The following ALG9 variants were observed in gnomAD, a reference collection of about 807,000 sequenced individuals.
ALG9 encodes alpha-1,2-mannosyltransferase ALG9.
ALG9 carries 55 observed loss-of-function variants against 81.8 expected under a neutral mutation model. That is an observed-to-expected ratio of 0.67 (90% CI 0.54 to 0.84). The LOEUF (loss-of-function observed/expected upper bound fraction) is 0.84, where lower values mean the gene tolerates loss of function less well. Ranked by LOEUF, ALG9 falls within the 40% of genes least tolerant of loss-of-function variation. The pLI, the probability that ALG9 is intolerant of heterozygous loss-of-function variation, is 0.00. For synonymous variants in ALG9, 278 were observed against 274.3 expected, an observed-to-expected ratio of 1.01 and a Z score of -0.13; for missense variants, 629 against 745.0, an observed-to-expected ratio of 0.84 and a Z score of 1.81.
intron 9 of ALG9, 57 bp from the exon 10 acceptor site, chr11:111,840,866 T>A: frequency 6.3e-7 from 1 of 1,598,996 alleles, no homozygotes; most frequent in Non-Finnish European, 8.6e-7. Flanking sequence ...ACAACATATT[T>A]AGTTTTAGTG....
At chr11:111,781,013 C>T (rs1375425085), downstream of ALG9, among the ~76,000 whole-genome samples, 11 of 152,206 alleles carry the variant, frequency 7.2e-5, no homozygotes, top group East Asian at 1.4e-3. Context: ...TCTAGAAAGC[C>T]TTCTTAGAAA....
chr11:111,819,952 A>G (rs12291258), intron 13 of ALG9, among the ~76,000 whole-genome samples: 1,827 of 152,346 alleles, frequency 0.012, 33 homozygotes, highest in African/African-American at 0.042. Flanking sequence ...GTTCAAAACT[A>G]TGACCAGCTT....
At chr11:111,866,792 A>G (rs1962628754) in intron 3 of ALG9, among the ~76,000 whole-genome samples, 1 of 149,562 alleles carries the variant, frequency 6.7e-6, no homozygotes, top group Non-Finnish European at 1.5e-5. Flanking sequence ...GACAAGTTCA[A>G]AAAAAAAAAC....
In ALG9 at chr11:111,786,197, G is replaced by A; in HGVS notation, c.*200C>T. ...CCTAGCTGCAAAAAGTTTACATGCA[G>A]AACAGAGACACACACAGGGAGCAAA... is the stretch of plus-strand genomic sequence containing the variant. On this transcript the variant is annotated 3_prime_UTR_variant, in exon 15 of 15. Coordinates refer to ENST00000616540, the MANE Select transcript of ALG9 (RefSeq NM_024740.2). The A allele has an allele frequency of 1.3e-6, 1 of 787,158 alleles. No individual in the cohort carries two copies. The highest frequency in any genetic ancestry group is 1.7e-5 in the African/African-American group (1 of 58,668). The allele number at this position is 787,158 out of a possible 1,614,324, so 48.8% of individuals were successfully genotyped here.
chr11:111,850,688 C>G (rs1358460497), intron 8 of ALG9, among the ~76,000 whole-genome samples: 1 of 69,810 alleles, frequency 1.4e-5, no homozygotes, highest in African/African-American at 9.1e-5. Context: ...GCCCGGGTGA[C>G]AGAGCGAGAT....
At chr11:111,801,936 A>G (rs1489928508) in intron 14 of ALG9, among the ~76,000 whole-genome samples, 2 of 152,216 alleles carry the variant, frequency 1.3e-5, no homozygotes, top group Admixed American at 6.5e-5. Context: ...CCCAAATACT[A>G]TAACAAACAA....
intron 4 of ALG9, among the ~76,000 whole-genome samples, chr11:111,861,766 C>T (rs1049770310): frequency 1.3e-5 from 2 of 151,986 alleles, no homozygotes; most frequent in Non-Finnish European, 2.9e-5. Context: ...TTACAGGCTT[C>T]TTCCTTTTTT....
intron 14 of ALG9, among the ~76,000 whole-genome samples, chr11:111,800,265 G>C (rs1948904254): frequency 1.3e-5 from 2 of 152,000 alleles, no homozygotes; most frequent in African/African-American, 2.4e-5. Flanking sequence ...CGGATCATGA[G>C]GTCAGGAGAT....
chr11:111,829,664 G>T (rs1317615840), intron 13 of ALG9, among the ~76,000 whole-genome samples: 1 of 152,200 alleles, frequency 6.6e-6, no homozygotes, highest in Non-Finnish European at 1.5e-5. Context: ...AATAAAAGAT[G>T]TGTATTTTGT....
the ALG9 span, chr11:111,768,842 CGTGTGTGTGTGTGTGT>C: frequency 1.4e-5 from 2 of 143,202 alleles, no homozygotes; most frequent in South Asian, 4.4e-4. Context: ...TGTGTGTGTG[CGTGTGTGTGTGTGTGT>C]GTGTGTGTGT....
rs148667520 is a variant in ALG9, at chr11:111,856,625, CTTT to C, written c.701+974_701+976del. Among the ~76,000 whole-genome samples, 1,006 of 137,134 alleles carry C rather than the reference CTTT, an allele frequency of 7.3e-3. 6 individuals carry two copies. The highest frequency in any genetic ancestry group is 0.054 in the Middle Eastern group (15 of 278). The allele number at this position is 137,134 out of a possible 152,430, so 90.0% of individuals were successfully genotyped here. ...TTTACCTTATACAATCTGGTACTTA[CTTT>C]TTTTTTTTTTTTTTACAATAAAGAT... On this transcript the variant is annotated intron_variant, in intron 6 of 14. Transcript: ENST00000616540.
intron 13 of ALG9, among the ~76,000 whole-genome samples, chr11:111,818,921 G>A (rs1290951912): frequency 6.6e-6 from 1 of 152,196 alleles, no homozygotes; most frequent in Non-Finnish European, 1.5e-5. Flanking sequence ...AAAGACCACA[G>A]ATAAAGCTGA....
At chr11:111,834,692 TCC>T (rs1555115923) in intron 13 of ALG9, among the ~76,000 whole-genome samples, 2 of 152,252 alleles carry the variant, frequency 1.3e-5, no homozygotes, top group East Asian at 3.9e-4. Flanking sequence ...AAAGCAAAGC[TCC>T]GATAACATCA....
intron 14 of ALG9, among the ~76,000 whole-genome samples, chr11:111,793,440 A>G (rs1947738376): frequency 6.6e-6 from 1 of 152,210 alleles, no homozygotes; most frequent in African/African-American, 2.4e-5. Context: ...TGAAAAAAGG[A>G]AATCAAATTG....
chr11:111,856,460 ATTTGT>A (rs144461408), intron 6 of ALG9, among the ~76,000 whole-genome samples: 1,706 of 151,944 alleles, frequency 0.011, 43 homozygotes, highest in African/African-American at 0.039. Context: ...GAATAATTCC[ATTTGT>A]TTTAAGAATG....
chr11:111,801,686 A>G (rs1376743268), intron 14 of ALG9, among the ~76,000 whole-genome samples: 2 of 152,220 alleles, frequency 1.3e-5, no homozygotes, highest in African/African-American at 4.8e-5. Context: ...TACTTTACAC[A>G]TGAACTGTAC....
At chr11:111,810,866 TTGA>T (rs1470277047) in intron 13 of ALG9, among the ~76,000 whole-genome samples, 1 of 152,246 alleles carries the variant, frequency 6.6e-6, no homozygotes, top group African/African-American at 2.4e-5. Context: ...AATATCACAC[TTGA>T]TGTTGTAGGA....
intron 4 of ALG9, among the ~76,000 whole-genome samples, chr11:111,862,302 T>C (rs1960524573): frequency 6.6e-6 from 1 of 151,860 alleles, no homozygotes; most frequent in South Asian, 2.1e-4. Context: ...GGGGTGATCT[T>C]GGCTCACTGC....
In ALG9 at chr11:111,840,663, CAG is replaced by C. The variant is rs782314316; in HGVS notation, c.1163_1164del (p.Ser388CysfsTer60). ...LICLCGAVAL[S>X]ALQHSFLYFQ... ...TTCTCCCTGAAACTCACCTGAAGTG[CAG>C]AGAGAGCCACAGCGCCACAGAGACA... On this transcript the variant is annotated frameshift_variant, in exon 10 of 15. Coordinates refer to ENST00000616540, the MANE Select transcript of ALG9 (RefSeq NM_024740.2). LOFTEE classifies it high-confidence loss of function. 3 of 1,613,856 alleles carry C rather than the reference CAG, an allele frequency of 1.9e-6. No homozygotes were observed. The highest frequency in any genetic ancestry group is 1.7e-5 in the Admixed American group (1 of 59,992).
Sources: allele counts gnomAD v4.1 joint callset (sites outside exome capture counted in the v4.1 genomes callset), GRCh38; gene constraint gnomAD v4.1.1; transcripts MANE v1.5; gene names NCBI Gene and HGNC (gene_info 2026-07-23, HGNC 2026-07-21).